TBXAS1: variants seen among roughly 807,000 people sequenced by gnomAD.
TBXAS1 encodes the protein thromboxane A synthase 1.
Under a neutral mutation model 60.7 loss-of-function variants are expected in TBXAS1, and 48 were observed. That is an observed-to-expected ratio of 0.79 (90% CI 0.63 to 1.01). TBXAS1 has a LOEUF of 1.01. TBXAS1 is among the 50% of genes least tolerant of loss of function. TBXAS1 has a pLI of 0.00. For synonymous variants in TBXAS1, 287 were observed against 269.7 expected (o/e 1.06, Z -0.63); for missense variants, 685 against 686.3 (o/e 1.00, Z 0.02).
At chr7:139,993,678 G>A (rs1047807524) in intron 9 of TBXAS1, among the ~76,000 whole-genome samples, 6 of 152,018 alleles carry the variant, frequency 3.9e-5, no homozygotes, top group Admixed American at 3.9e-4. Flanking sequence ...GGATTTTGTG[G>A]TTAAACCCTT....
chr7:139,960,573 C>G (rs1810248564), intron 8 of TBXAS1, among the ~76,000 whole-genome samples: 2 of 151,964 alleles, frequency 1.3e-5, no homozygotes, highest in Non-Finnish European at 2.9e-5. Flanking sequence ...TGGTGAAACC[C>G]CGCCTCTACT....
At chr7:139,991,983 C>G (rs922327456) in intron 9 of TBXAS1, among the ~76,000 whole-genome samples, 5 of 152,204 alleles carry the variant, frequency 3.3e-5, no homozygotes, top group African/African-American at 9.7e-5. Flanking sequence ...GCAGGGGAGC[C>G]TCGTGGGAAT....
At chr7:139,950,283 G>A (rs941907526) in intron 5 of TBXAS1, among the ~76,000 whole-genome samples, 2 of 151,988 alleles carry the variant, frequency 1.3e-5, no homozygotes, top group Non-Finnish European at 2.9e-5. Flanking sequence ...TGATCCGCCT[G>A]CCTTGGCCTC....
At chr7:139,968,166 C>T (rs1043663039) in intron 9 of TBXAS1, among the ~76,000 whole-genome samples, 8 of 152,252 alleles carry the variant, frequency 5.3e-5, no homozygotes, top group Non-Finnish European at 7.3e-5. Context: ...GGATCTGCCT[C>T]CGCACATCCT....
chr7:139,889,541 T>C (rs907798218), intron 3 of TBXAS1, among the ~76,000 whole-genome samples: 3 of 152,236 alleles, frequency 2.0e-5, no homozygotes, highest in African/African-American at 4.8e-5. Flanking sequence ...CAAGCTGTTA[T>C]AACAAAGTGC....
chr7:139,920,455 T>C (rs1806372589), intron 4 of TBXAS1, among the ~76,000 whole-genome samples: 1 of 152,188 alleles, frequency 6.6e-6, no homozygotes, highest in South Asian at 2.1e-4. Context: ...GGAGGAGACA[T>C]GACCACAAAT....
intron 4 of TBXAS1, among the ~76,000 whole-genome samples, chr7:139,815,875 T>A (rs1798133498): frequency 6.6e-6 from 1 of 152,176 alleles, no homozygotes. Context: ...TTCACATCAA[T>A]CCTCAGAGAG....
intron 2 of TBXAS1, among the ~76,000 whole-genome samples, chr7:139,874,842 C>T (rs1174583946): frequency 6.6e-6 from 1 of 152,222 alleles, no homozygotes; most frequent in Non-Finnish European, 1.5e-5. Context: ...TACCTGTAAT[C>T]CCAGCACTTT....
At chr7:139,864,738 T>C (rs532185207) in intron 1 of TBXAS1, among the ~76,000 whole-genome samples, 2 of 152,308 alleles carry the variant, frequency 1.3e-5, no homozygotes, top group East Asian at 3.9e-4. Flanking sequence ...GAAGTGACAT[T>C]ATGAATCAGT....
chr7:139,930,738 C>A (rs1245239216), intron 4 of TBXAS1, among the ~76,000 whole-genome samples: 1 of 152,074 alleles, frequency 6.6e-6, no homozygotes, highest in Non-Finnish European at 1.5e-5. Flanking sequence ...GAGTTTGCAC[C>A]AGGATAGGGC....
chr7:139,847,757 T>C (rs1799913923), intron 1 of TBXAS1, among the ~76,000 whole-genome samples: 1 of 152,234 alleles, frequency 6.6e-6, no homozygotes, highest in Admixed American at 6.5e-5. Context: ...AAGTCTCTAG[T>C]ACCTAAACTG....
chr7:140,012,350 G>T (rs1814682550), intron 10 of TBXAS1, among the ~76,000 whole-genome samples: 1 of 152,216 alleles, frequency 6.6e-6, no homozygotes, highest in Non-Finnish European at 1.5e-5. Flanking sequence ...TGGGAAGGGG[G>T]TGGGCTGAGA....
At chr7:139,901,362 G>T (rs895080620) in intron 3 of TBXAS1, among the ~76,000 whole-genome samples, 4 of 150,874 alleles carry the variant, frequency 2.7e-5, no homozygotes, top group African/African-American at 9.7e-5. Flanking sequence ...GACTCCCAAG[G>T]TGACTACTTG....
chr7:139,902,310 T>C (rs77082758), intron 3 of TBXAS1, among the ~76,000 whole-genome samples: 3,146 of 152,058 alleles, frequency 0.021, 128 homozygotes, highest in African/African-American at 0.07. Flanking sequence ...CACTAATGTG[T>C]TCTCCATCTC....
upstream of TBXAS1, chr7:139,778,328 TTG>T (rs572338191): frequency 4.6e-5 from 7 of 151,010 alleles, no homozygotes; most frequent in Middle Eastern, 3.2e-3. This position sits in a 1 kb window ranked among gnomAD's most constrained non-coding sequence, Gnocchi z 4.8. Flanking sequence ...CCCCAGAACT[TTG>T]TGTGTGTGTG....
chr7:139,836,674 T>C (rs1039033743), intron 1 of TBXAS1, among the ~76,000 whole-genome samples: 1 of 152,042 alleles, frequency 6.6e-6, no homozygotes, highest in Non-Finnish European at 1.5e-5. Flanking sequence ...CCAAGATGAG[T>C]TAAAGACTTA....
intron 1 of TBXAS1, among the ~76,000 whole-genome samples, chr7:139,839,474 C>T (rs1175734987): frequency 3.9e-5 from 6 of 152,060 alleles, no homozygotes; most frequent in African/African-American, 1.4e-4. Flanking sequence ...CCTGGAAGGG[C>T]TTGTAGTACC....
chr7:139,779,185 CTG>C (rs1796895438), intron 1 of TBXAS1, among the ~76,000 whole-genome samples: 1 of 152,210 alleles, frequency 6.6e-6, no homozygotes, highest in South Asian at 2.1e-4. Flanking sequence ...ATCTCTAACA[CTG>C]TATAACTTTC....
At chr7:139,932,467 T>C (rs1455960862) in intron 4 of TBXAS1, among the ~76,000 whole-genome samples, 1 of 152,118 alleles carries the variant, frequency 6.6e-6, no homozygotes, top group East Asian at 1.9e-4. Flanking sequence ...ATTGGGATAG[T>C]TCTCCTTCAG....
Sources: allele counts gnomAD v4.1 joint callset (sites outside exome capture counted in the v4.1 genomes callset), GRCh38; gene constraint gnomAD v4.1.1; non-coding constraint Gnocchi (gnomAD v3.1); transcripts MANE v1.5; gene names NCBI Gene and HGNC (gene_info 2026-07-23, HGNC 2026-07-21).